The following CAPN7 variants were observed in gnomAD, a reference collection of about 807,000 sequenced individuals.
The protein encoded by CAPN7 is calpain-7.
A neutral mutation model predicts 115.2 loss-of-function variants in CAPN7; 72 were observed. That is an observed-to-expected ratio of 0.63 (90% CI 0.52 to 0.76). The LOEUF is 0.76. CAPN7 is among the 30% of genes least tolerant of loss of function. The probability of loss-of-function intolerance (pLI) is 0.00; values close to 1 mark genes in which losing one functional copy is unlikely to be tolerated. For missense variants in CAPN7, 905 were observed against 971.5 expected, an observed-to-expected ratio of 0.93 and a Z score of 0.91; for synonymous variants, 344 against 322.3, an observed-to-expected ratio of 1.07 and a Z score of -0.72.
intron 2 of CAPN7, among the ~76,000 whole-genome samples, chr3:15,217,085 A>G (rs1055645820): frequency 3.3e-5 from 5 of 151,952 alleles, no homozygotes; most frequent in Admixed American, 2.0e-4. Context: ...AAAAAAAAAA[A>G]AAGAGAGAAA....
Position 15,251,334 on chromosome 3 carries a change from GACAGTAAGCAGA to G in CAPN7, c.*78_*89del. On this transcript the variant is annotated 3_prime_UTR_variant, in exon 21 of 21. Transcript: ENST00000253693. ...TTCAAATAAGGACGCAAATCTTCAG[GACAGTAAGCAGA>G]ACAATCAGAATGGAATTAAATCTCT... The G allele has an allele frequency of 8.2e-7, 1 of 1,213,658 alleles. No homozygotes were observed. The highest frequency in any genetic ancestry group is 1.2e-6 in the Non-Finnish European group (1 of 862,034). 75.2% of individuals were successfully genotyped at this position (1,213,658 alleles called of 1,614,324 possible). A position where few individuals can be genotyped will look rare whatever the true frequency, so the allele number is the denominator to read the frequency against.
chr3:15,239,974 A>G (rs1695242807), intron 12 of CAPN7, among the ~76,000 whole-genome samples: 1 of 152,256 alleles, frequency 6.6e-6, no homozygotes. Context: ...TTGCACTCTG[A>G]AAGGAAAAAC....
At position 15,246,761 on chromosome 3, in the gene CAPN7, A is replaced by G; in HGVS notation, c.2040A>G (p.Ser680=). The G allele has an allele frequency of 6.2e-7, 1 of 1,609,396 alleles. No homozygotes were observed. The highest frequency in any genetic ancestry group is 8.5e-7 in the Non-Finnish European group (1 of 1,176,808). Residue 680 remains serine (S), a synonymous_variant, in exon 18 of 21, where the codon TCA becomes TCG. Coordinates refer to ENST00000253693, the MANE Select transcript of CAPN7 (RefSeq NM_014296.3). ...RVYSACSFTF[S]KIPSPYTLSK... Reference sequence around the variant, plus strand: ...ATTCAGCATGCAGCTTTACTTTTTCAAAGATTCCTTCACCATACACCTTAT... The same window carrying G: ...ATTCAGCATGCAGCTTTACTTTTTCGAAGATTCCTTCACCATACACCTTAT...
At position 15,251,377 on chromosome 3, in the gene CAPN7, C is replaced by T. The variant is rs1184157560; in HGVS notation, c.*117C>T. On this transcript the variant is annotated 3_prime_UTR_variant, in exon 21 of 21. Transcript: ENST00000253693. Reference sequence around the variant, plus strand: ...CAGAATGGAATTAAATCTCTAAAAACGTGTTACAGTGGAATCTGGTGCTTG... The same window carrying T: ...CAGAATGGAATTAAATCTCTAAAAATGTGTTACAGTGGAATCTGGTGCTTG... 1.4e-5 allele frequency: 12 copies of T among 888,866 alleles called. No homozygotes were observed. The highest frequency in any genetic ancestry group is 1.8e-5 in the South Asian group (1 of 54,184). 55.1% of individuals were successfully genotyped at this position (888,866 alleles called of 1,614,324 possible). A position where few individuals can be genotyped will look rare whatever the true frequency, so the allele number is the denominator to read the frequency against.
intron 17 of CAPN7, 29 bp from the exon 18 acceptor site, chr3:15,246,703 T>A: frequency 2.7e-6 from 4 of 1,478,314 alleles, no homozygotes; most frequent in Non-Finnish European, 3.8e-6. Flanking sequence ...AGTGTAAAAT[T>A]TATCAATACA....
chr3:15,244,650 C>T (rs17481016), intron 16 of CAPN7, among the ~76,000 whole-genome samples: 5,217 of 152,220 alleles, frequency 0.034, 134 homozygotes, highest in Non-Finnish European at 0.05. Context: ...GTGAGACCAT[C>T]GATCTTAACA....
intron 14 of CAPN7, 99 bp from the exon 15 acceptor site, chr3:15,241,354 C>T (rs895658839): frequency 1.6e-6 from 2 of 1,288,284 alleles, no homozygotes; most frequent in South Asian, 1.6e-5. Context: ...AAAACAAAAC[C>T]AAAAACTTGG....
In CAPN7 at chr3:15,206,456, C is replaced by T. The variant is rs570674329; in HGVS notation, c.-40C>T. 1,152 of 1,461,468 alleles carry T rather than the reference C, an allele frequency of 7.9e-4. No individual in the cohort carries two copies. Among genetic ancestry groups the T allele is most frequent in the Non-Finnish European group, 1.0e-3 (1,086 of 1,074,178 alleles). 90.5% of individuals were successfully genotyped at this position (1,461,468 alleles called of 1,614,324 possible). A position where few individuals can be genotyped will look rare whatever the true frequency, so the allele number is the denominator to read the frequency against. On this transcript the variant is annotated 5_prime_UTR_variant, in exon 1 of 21. Coordinates refer to ENST00000253693, the MANE Select transcript of CAPN7 (RefSeq NM_014296.3). ...CAGTCCGCGAAGAGCCGTCCTGCGT[C>T]AGGGCCTCCTTCCCTGCCCCGGCGC... is the stretch of plus-strand genomic sequence containing the variant.
At chr3:15,247,503 A>G in intron 19 of CAPN7, 46 bp downstream of exon 19, 1 of 1,506,834 alleles carries the variant, frequency 6.6e-7, no homozygotes, top group South Asian at 1.3e-5. Context: ...TCTATTACAA[A>G]TGAACATAGT....
rs1435816226 is a variant in CAPN7, at chr3:15,211,979, T to C, written c.103-125T>C. The C allele has an allele frequency of 8.2e-6, 4 of 485,872 alleles. No homozygotes were observed. The South Asian group carries it at 1.8e-4, about 22-fold the overall frequency. The allele number at this position is 485,872 out of a possible 1,614,324, so 30.1% of individuals were successfully genotyped here. Reference sequence around the variant, plus strand: ...AACTACTTTATGAAAAAAATTACTATTAATAATAATTTAAAGACATTCTTG... The same window carrying C: ...AACTACTTTATGAAAAAAATTACTACTAATAATAATTTAAAGACATTCTTG... On this transcript the variant is annotated intron_variant, in intron 1 of 20. Coordinates refer to ENST00000253693, the MANE Select transcript of CAPN7 (RefSeq NM_014296.3).
Position 15,251,012 on chromosome 3 carries a change from T to C in CAPN7, c.2286T>C (p.Ser762=). The C allele has an allele frequency of 6.2e-7, 1 of 1,612,414 alleles. No individual in the cohort carries two copies. The highest frequency in any genetic ancestry group is 1.1e-5 in the South Asian group (1 of 91,030). Residue 762 remains serine (S), a synonymous_variant, in exon 20 of 21, where the codon AGT becomes AGC. Transcript: ENST00000253693. ...CCCATGGCTTTCTGAGGAAATCTAG[T>C]GGTGACTATAGGTAATGTTGGCATT... ...PGPHGFLRKS[S]GDYRCGFCYL... is the part of the protein sequence containing the mutation.
At chr3:15,246,440 T>A (rs781065190) in intron 17 of CAPN7, 24 of 334,480 alleles carry the variant, frequency 7.2e-5, no homozygotes, top group Non-Finnish European at 9.8e-5. Context: ...AATAGATTTT[T>A]AGTGATGAAA....
chr3:15,230,904 T>TTA (rs893230270), intron 9 of CAPN7, among the ~76,000 whole-genome samples: 1 of 152,214 alleles, frequency 6.6e-6, no homozygotes, highest in African/African-American at 2.4e-5. Context: ...AGTCATAACT[T>TTA]AAGTGTAAGA....
At chr3:15,212,755 A>G (rs1383919172) in intron 2 of CAPN7, among the ~76,000 whole-genome samples, 1 of 152,228 alleles carries the variant, frequency 6.6e-6, no homozygotes, top group Non-Finnish European at 1.5e-5. Flanking sequence ...AGAAATATAT[A>G]GTCTTAATGG....
At chr3:15,235,983 A>G (rs892421648) in intron 12 of CAPN7, among the ~76,000 whole-genome samples, 1 of 152,140 alleles carries the variant, frequency 6.6e-6, no homozygotes, top group Admixed American at 6.5e-5. Flanking sequence ...AGCCTGGGCA[A>G]CATAGTAAGA....
At chr3:15,218,267 A>G (rs919827572) in intron 3 of CAPN7, among the ~76,000 whole-genome samples, 1 of 152,214 alleles carries the variant, frequency 6.6e-6, no homozygotes, top group Admixed American at 6.5e-5. Flanking sequence ...AGTTGTCCAC[A>G]TAAGTGGTTT....
chr3:15,207,703 G>T (rs192595716), intron 1 of CAPN7, among the ~76,000 whole-genome samples: 13 of 149,862 alleles, frequency 8.7e-5, no homozygotes, highest in African/African-American at 3.2e-4. Context: ...CCTACACCTC[G>T]TCAGGATCAT....
chr3:15,243,053 G>T (rs756737052), intron 16 of CAPN7, among the ~76,000 whole-genome samples: 9 of 152,162 alleles, frequency 5.9e-5, no homozygotes, highest in Non-Finnish European at 1.2e-4. Flanking sequence ...GCTTTTGGTG[G>T]GTGGTCATAG....
chr3:15,217,635 C>A (rs1036096482), intron 3 of CAPN7, 53 bp downstream of exon 3: 34 of 1,427,416 alleles, frequency 2.4e-5, no homozygotes, highest in African/African-American at 2.9e-5. Flanking sequence ...CATTTCTTCT[C>A]TTGCTAGTGA....
Sources: allele counts gnomAD v4.1 joint callset (sites outside exome capture counted in the v4.1 genomes callset), GRCh38; gene constraint gnomAD v4.1.1; transcripts MANE v1.5; gene names NCBI Gene and HGNC (gene_info 2026-07-23, HGNC 2026-07-21).